Variants in KLF8 observed in about 807,000 individuals in gnomAD.
The protein encoded by KLF8 is KLF transcription factor 8.
KLF8 carries 10 observed loss-of-function variants against 18.2 expected under a neutral mutation model. The observed-to-expected ratio is 0.55, with a 90% CI of 0.34 to 0.93. The LOEUF (loss-of-function observed/expected upper bound fraction) is 0.93, where lower values mean the gene tolerates loss of function less well. KLF8 is among the 40% of genes least tolerant of loss of function. The probability of loss-of-function intolerance (pLI) is 0.02; values close to 1 mark genes in which losing one functional copy is unlikely to be tolerated. For missense variants in KLF8, 264 were observed against 277.9 expected (o/e 0.95, Z 0.36); for synonymous variants, 109 against 97.3 (o/e 1.12, Z -0.71).
At chrX:56,149,074 G>A in the KLF8 span, among the ~76,000 whole-genome samples, 1 of 112,109 alleles carries the variant, frequency 8.9e-6, no homozygotes, top group African/African-American at 3.2e-5. Context: ...AGCAAGAATA[G>A]AAGCAGAAAG....
At chrX:56,144,521 G>A in the KLF8 span, among the ~76,000 whole-genome samples, 1 of 108,873 alleles carries the variant, frequency 9.2e-6, no homozygotes, top group Non-Finnish European at 1.9e-5. Flanking sequence ...AGGCCGAGGC[G>A]GGTGGATCAC....
chrX:56,070,926 T>G, the KLF8 span, among the ~76,000 whole-genome samples: 1 of 112,374 alleles, frequency 8.9e-6, no homozygotes, highest in African/African-American at 3.2e-5. Context: ...CAGACTGTAT[T>G]GGGAATATAT....
the KLF8 span, among the ~76,000 whole-genome samples, chrX:56,219,072 A>G: frequency 8.9e-6 from 1 of 112,504 alleles, no homozygotes; most frequent in African/African-American, 3.2e-5. Flanking sequence ...TGATAAAAAT[A>G]TTCTTATATA....
chrX:56,148,567 C>G, the KLF8 span, among the ~76,000 whole-genome samples: 2 of 111,709 alleles, frequency 1.8e-5, no homozygotes, highest in East Asian at 2.8e-4. Flanking sequence ...TCTGTTCTCA[C>G]GCTGCTAATA....
chrX:55,946,180 C>G, the KLF8 span, among the ~76,000 whole-genome samples: 1 of 111,549 alleles, frequency 9.0e-6, no homozygotes, highest in African/African-American at 3.3e-5. Context: ...ATCGCCAAGT[C>G]AATCCTAAGC....
At chrX:56,146,211 G>A in the KLF8 span, among the ~76,000 whole-genome samples, 1 of 111,454 alleles carries the variant, frequency 9.0e-6, no homozygotes, top group Non-Finnish European at 1.9e-5. Flanking sequence ...CCCATTACTG[G>A]GTATATACCC....
At chrX:56,182,800 C>A in the KLF8 span, among the ~76,000 whole-genome samples, 33 of 112,641 alleles carry the variant, frequency 2.9e-4, no homozygotes, top group East Asian at 8.1e-3. Context: ...TGCAGAACAG[C>A]AAATGTTGCT....
At chrX:56,162,934 T>G in the KLF8 span, among the ~76,000 whole-genome samples, 9 of 112,155 alleles carry the variant, frequency 8.0e-5, no homozygotes, top group Admixed American at 2.8e-4. Context: ...TTGTTCTTTT[T>G]TATAGCTTCA....
the KLF8 span, among the ~76,000 whole-genome samples, chrX:55,937,464 C>A: frequency 8.9e-6 from 1 of 112,001 alleles, no homozygotes. Flanking sequence ...AAAATCAGAG[C>A]GACTCTCCTC....
At chrX:56,190,786 C>G in the KLF8 span, among the ~76,000 whole-genome samples, 1 of 111,279 alleles carries the variant, frequency 9.0e-6, no homozygotes, top group African/African-American at 3.3e-5. Context: ...TGAATACCCA[C>G]TATACCAAAA....
the KLF8 span, among the ~76,000 whole-genome samples, chrX:55,966,044 G>T: frequency 1.8e-5 from 2 of 112,242 alleles, no homozygotes; most frequent in African/African-American, 6.5e-5. Flanking sequence ...GGAGAGACTT[G>T]TCTGACTGTG....
the KLF8 span, among the ~76,000 whole-genome samples, chrX:55,911,326 T>C: frequency 9.0e-6 from 1 of 111,336 alleles, no homozygotes; most frequent in Non-Finnish European, 1.9e-5. Flanking sequence ...TTCAAACCTG[T>C]GTTTTTCAAG....
At chrX:56,183,834 C>G in the KLF8 span, among the ~76,000 whole-genome samples, 1 of 111,612 alleles carries the variant, frequency 9.0e-6, no homozygotes, top group Non-Finnish European at 1.9e-5. Flanking sequence ...ACGAAACTCT[C>G]TAATCAAAAC....
the KLF8 span, among the ~76,000 whole-genome samples, chrX:56,177,299 CTTG>C: frequency 9.0e-6 from 1 of 110,560 alleles, no homozygotes; most frequent in East Asian, 2.9e-4. Context: ...GTCCTTTCTG[CTTG>C]TTAGTTTTAT....
At chrX:55,955,721 T>A in the KLF8 span, among the ~76,000 whole-genome samples, 12 of 111,633 alleles carry the variant, frequency 1.1e-4, no homozygotes, top group Admixed American at 7.6e-4. Context: ...ATATTTAGAA[T>A]TTAAGGGCTA....
chrX:56,231,230 T>G (rs988585049), upstream of KLF8, among the ~76,000 whole-genome samples: 5 of 111,560 alleles, frequency 4.5e-5, no homozygotes, highest in African/African-American at 1.6e-4. Context: ...GTTGGTGAAC[T>G]ACAGGAGGAA....
At chrX:55,966,330 G>T in the KLF8 span, among the ~76,000 whole-genome samples, 1 of 112,215 alleles carries the variant, frequency 8.9e-6, no homozygotes, top group Non-Finnish European at 1.9e-5. Flanking sequence ...GCTGGCTTCA[G>T]GTCTGTCCCA....
chrX:56,087,317 T>C, the KLF8 span, among the ~76,000 whole-genome samples: 1 of 110,958 alleles, frequency 9.0e-6, no homozygotes, highest in Non-Finnish European at 1.9e-5. Context: ...TGAGAGCTGA[T>C]TGGATCATGG....
the KLF8 span, among the ~76,000 whole-genome samples, chrX:56,195,623 G>T: frequency 8.9e-6 from 1 of 112,319 alleles, no homozygotes; most frequent in Non-Finnish European, 1.9e-5. Flanking sequence ...ACCTGAAAGT[G>T]ATGGGGAGAA....
Sources: allele counts gnomAD v4.1 joint callset (sites outside exome capture counted in the v4.1 genomes callset), GRCh38; gene constraint gnomAD v4.1.1; transcripts MANE v1.5; gene names NCBI Gene and HGNC (gene_info 2026-07-23, HGNC 2026-07-21).